DACH2: variants seen among roughly 807,000 people sequenced by gnomAD.
DACH2 encodes dachshund homolog 2.
Under a neutral mutation model 35.8 loss-of-function variants are expected in DACH2, and 17 were observed. The observed-to-expected ratio is 0.48, with a 90% CI of 0.33 to 0.71. DACH2 has a LOEUF of 0.71. Ranked by LOEUF, DACH2 falls within the 30% of genes least tolerant of loss-of-function variation. DACH2 has a pLI of 0.02. For synonymous variants in DACH2, 195 were observed against 177.3 expected (o/e 1.10, Z -0.79); for missense variants, 469 against 472.7 (o/e 0.99, Z 0.07).
intron 2 of DACH2, among the ~76,000 whole-genome samples, chrX:86,494,806 C>T (rs1428359147): frequency 8.9e-6 from 1 of 111,959 alleles, no homozygotes; most frequent in Non-Finnish European, 1.9e-5. Flanking sequence ...AATAATGCAC[C>T]AGTATTTACA....
intron 1 of DACH2, among the ~76,000 whole-genome samples, chrX:86,222,921 C>G (rs1201428734): frequency 9.0e-6 from 1 of 110,748 alleles, no homozygotes; most frequent in African/African-American, 3.3e-5. Context: ...AAATGACAAA[C>G]AGAGGAAGAA....
At chrX:86,508,091 A>T (rs2038350158) in intron 2 of DACH2, among the ~76,000 whole-genome samples, 1 of 111,806 alleles carries the variant, frequency 8.9e-6, no homozygotes, top group South Asian at 3.7e-4. Flanking sequence ...AATGTAAGGC[A>T]CTAGTGGAAT....
At chrX:86,466,064 A>G (rs1480541723) in intron 2 of DACH2, among the ~76,000 whole-genome samples, 1 of 111,655 alleles carries the variant, frequency 9.0e-6, no homozygotes, top group Non-Finnish European at 1.9e-5. Flanking sequence ...GAGACTGGGG[A>G]AAAACAGGTT....
intron 1 of DACH2, among the ~76,000 whole-genome samples, chrX:86,307,267 C>T (rs764921129): frequency 8.9e-6 from 1 of 111,901 alleles, no homozygotes; most frequent in African/African-American, 3.2e-5. Flanking sequence ...GTCTTATCTC[C>T]TATTGAGAAA....
In DACH2 at chrX:86,686,475, C is replaced by T. The variant is rs771538942; in HGVS notation, c.773-8546C>T. ...CTTGATCTCCTGACCTCGTGACCCACCCGCCTCGGCCTCCCAAAGCGCTGG... is the reference window on the plus strand; with the variant it reads ...CTTGATCTCCTGACCTCGTGACCCATCCGCCTCGGCCTCCCAAAGCGCTGG... On this transcript the variant is annotated intron_variant, in intron 4 of 11. Transcript: ENST00000373125. Among the ~76,000 whole-genome samples the T allele has an allele frequency of 2.7e-5, 3 of 110,497 alleles. No homozygotes were observed. The South Asian group carries it at 1.2e-3, about 42-fold the overall frequency.
At chrX:86,774,613 ACAAT>A in intron 7 of DACH2, among the ~76,000 whole-genome samples, 1 of 112,072 alleles carries the variant, frequency 8.9e-6, no homozygotes, top group East Asian at 2.8e-4. Context: ...AGTAATAAAG[ACAAT>A]CAATGGCATT....
chrX:86,539,073 C>A (rs2038843861), intron 3 of DACH2, among the ~76,000 whole-genome samples: 1 of 111,206 alleles, frequency 9.0e-6, no homozygotes, highest in Non-Finnish European at 1.9e-5. Flanking sequence ...TGTGTCCCCA[C>A]CCAAATCTCA....
intron 2 of DACH2, among the ~76,000 whole-genome samples, chrX:86,493,515 T>C (rs2038124015): frequency 8.9e-6 from 1 of 112,004 alleles, no homozygotes. Flanking sequence ...TTAGGCAGGA[T>C]TGTTAAAGAC....
At chrX:86,679,616 CTGTGTGTGTGTGTGTGTGTGTG>C (rs67988965) in intron 4 of DACH2, among the ~76,000 whole-genome samples, 3 of 96,284 alleles carry the variant, frequency 3.1e-5, no homozygotes, top group Non-Finnish European at 6.3e-5. Context: ...CTCTCTGTCT[CTGTGTGTGTGTGTGTGTGTGTG>C]TGTGTGTGTG....
chrX:86,293,024 G>C (rs1388858222), intron 1 of DACH2, among the ~76,000 whole-genome samples: 2 of 96,396 alleles, frequency 2.1e-5, no homozygotes, highest in African/African-American at 4.0e-5. Flanking sequence ...TTGACAGTGG[G>C]GTGTTAAAGT....
chrX:86,483,176 A>G (rs2037968638), intron 2 of DACH2, among the ~76,000 whole-genome samples: 1 of 110,029 alleles, frequency 9.1e-6, no homozygotes, highest in African/African-American at 3.3e-5. Flanking sequence ...AAAAAGAAAA[A>G]GAGAGGAAGT....
At chrX:86,538,820 G>A (rs763864505) in intron 3 of DACH2, among the ~76,000 whole-genome samples, 18 of 111,601 alleles carry the variant, frequency 1.6e-4, no homozygotes, top group Non-Finnish European at 3.4e-4. Context: ...TCAAACTGTT[G>A]CAGAGAGTGT....
At chrX:86,379,972 A>C (rs971040505) in intron 2 of DACH2, among the ~76,000 whole-genome samples, 1 of 111,069 alleles carries the variant, frequency 9.0e-6, no homozygotes, top group Non-Finnish European at 1.9e-5. Flanking sequence ...CTAATAATTA[A>C]GGATCTTTAG....
intron 1 of DACH2, among the ~76,000 whole-genome samples, chrX:86,225,010 A>G (rs899954022): frequency 8.9e-6 from 1 of 111,813 alleles, no homozygotes; most frequent in Non-Finnish European, 1.9e-5. Flanking sequence ...TAAGAGAGTC[A>G]GAGATAACTT....
intron 1 of DACH2, among the ~76,000 whole-genome samples, chrX:86,256,391 A>C (rs2033519661): frequency 9.0e-6 from 1 of 111,597 alleles, no homozygotes; most frequent in African/African-American, 3.3e-5. Flanking sequence ...ATAAAAGAAA[A>C]ATATTCTCAC....
At chrX:86,526,063 C>G (rs150901891) in intron 3 of DACH2, among the ~76,000 whole-genome samples, 1 of 111,633 alleles carries the variant, frequency 9.0e-6, no homozygotes, top group African/African-American at 3.2e-5. Flanking sequence ...ATATGCCTGA[C>G]AAATGATAAG....
chrX:86,399,887 T>C (rs1166004947), intron 2 of DACH2, among the ~76,000 whole-genome samples: 1 of 111,390 alleles, frequency 9.0e-6, no homozygotes, highest in Non-Finnish European at 1.9e-5. Context: ...TGGAGTATGT[T>C]TGTGGCGTTC....
intron 2 of DACH2, among the ~76,000 whole-genome samples, chrX:86,501,677 G>A (rs376572198): frequency 9.0e-6 from 1 of 111,451 alleles, no homozygotes; most frequent in African/African-American, 3.3e-5. Flanking sequence ...CTGACCAAAT[G>A]CATTTGAAGC....
chrX:86,700,491 AC>A (rs1229107853), intron 5 of DACH2, among the ~76,000 whole-genome samples: 32 of 107,260 alleles, frequency 3.0e-4, no homozygotes, highest in African/African-American at 1.0e-3. Context: ...GGTGAATTAA[AC>A]CCTTTATTAT....
Sources: gnomAD v4.1 joint callset for allele counts (sites outside exome capture counted in the v4.1 genomes callset) on GRCh38, gnomAD v4.1.1 for gene constraint, MANE v1.5 for transcripts, NCBI Gene and HGNC (gene_info 2026-07-23, HGNC 2026-07-21) for gene names.